ZNF536: variants seen among roughly 807,000 people sequenced by gnomAD.
ZNF536 encodes zinc finger protein 536.
Under a neutral mutation model 84.5 loss-of-function variants are expected in ZNF536, and 13 were observed. The observed-to-expected ratio is 0.15, with a 90% CI of 0.10 to 0.24. The LOEUF (loss-of-function observed/expected upper bound fraction) is 0.24. Ranked by LOEUF, ZNF536 falls within the 10% of genes least tolerant of loss-of-function variation. The pLI is 1.00. For synonymous variants in ZNF536, 811 were observed against 742.5 expected (o/e 1.09, Z -1.50); for missense variants, 1,536 against 1,747.5 (o/e 0.88, Z 2.16).
At chr19:30,599,681 C>T (rs1164092864) in intron 1 of ZNF536, among the ~76,000 whole-genome samples, 1 of 151,968 alleles carries the variant, frequency 6.6e-6, no homozygotes, top group East Asian at 1.9e-4. Context: ...CTTTTCTAAC[C>T]GTATAAAAAG....
chr19:30,448,024 C>T (rs117943503), intron 2 of ZNF536, among the ~76,000 whole-genome samples: 1,727 of 152,284 alleles, frequency 0.011, 12 homozygotes, highest in Non-Finnish European at 0.016. Context: ...TGAAAAAACC[C>T]ATTTTGCTTA....
At chr19:30,259,770 T>G (rs1170212689) in intron 1 of ZNF536, among the ~76,000 whole-genome samples, 1 of 152,110 alleles carries the variant, frequency 6.6e-6, no homozygotes, top group Non-Finnish European at 1.5e-5. Context: ...TTTTTTTTTC[T>G]GAGACAGAGT....
chr19:30,413,992 C>G (rs955600196), intron 1 of ZNF536, among the ~76,000 whole-genome samples: 1 of 148,188 alleles, frequency 6.7e-6, no homozygotes, highest in Non-Finnish European at 1.5e-5. Flanking sequence ...ACTCAGGAGG[C>G]TGAGGCAGGA....
intron 1 of ZNF536, among the ~76,000 whole-genome samples, chr19:30,263,983 G>A (rs935768268): frequency 1.3e-5 from 2 of 152,170 alleles, no homozygotes; most frequent in Non-Finnish European, 2.9e-5. Context: ...GGAACTTTCA[G>A]TTTTCACTTC....
intron 2 of ZNF536, among the ~76,000 whole-genome samples, chr19:30,477,654 GCTGTGT>G (rs997060835): frequency 1.3e-5 from 2 of 152,290 alleles, no homozygotes; most frequent in Admixed American, 1.3e-4. Flanking sequence ...ACTGACAGGG[GCTGTGT>G]CTGTCCCCTC....
intron 2 of ZNF536, among the ~76,000 whole-genome samples, chr19:30,314,626 G>T (rs1453350517): frequency 6.6e-6 from 1 of 152,118 alleles, no homozygotes; most frequent in African/African-American, 2.4e-5. Flanking sequence ...TTTGCACTTT[G>T]ACCTAAGTAG....
chr19:30,549,661 A>G, intron 4 of ZNF536, 147 bp downstream of exon 4: 1 of 907,646 alleles, frequency 1.1e-6, no homozygotes, highest in Non-Finnish European at 1.5e-6. Flanking sequence ...TGCAATGTAG[A>G]CAATCATAAA....
chr19:30,351,391 G>A (rs140936059), intron 2 of ZNF536, among the ~76,000 whole-genome samples: 1 of 152,330 alleles, frequency 6.6e-6, no homozygotes, highest in African/African-American at 2.4e-5. Flanking sequence ...AATTAATAGA[G>A]TTAAGGGTTC....
At chr19:30,446,792 C>T (rs1456679631) in intron 2 of ZNF536, among the ~76,000 whole-genome samples, 1 of 145,674 alleles carries the variant, frequency 6.9e-6, no homozygotes, top group East Asian at 1.9e-4. Context: ...GCTTCCTGGC[C>T]CAGTTTAAAA....
intron 2 of ZNF536, among the ~76,000 whole-genome samples, chr19:30,449,750 G>A (rs1344141887): frequency 1.3e-5 from 2 of 152,164 alleles, no homozygotes; most frequent in African/African-American, 4.8e-5. Flanking sequence ...TTTTGAGATG[G>A]ACAAGGATTA....
At chr19:30,457,065 A>G (rs1328376815) in intron 2 of ZNF536, among the ~76,000 whole-genome samples, 1 of 152,050 alleles carries the variant, frequency 6.6e-6, no homozygotes, top group Non-Finnish European at 1.5e-5. Flanking sequence ...AACAAAAAAA[A>G]AGATGAATAG....
chr19:30,437,772 T>C (rs1433066518), intron 1 of ZNF536, among the ~76,000 whole-genome samples: 1 of 152,222 alleles, frequency 6.6e-6, no homozygotes, highest in African/African-American at 2.4e-5. Context: ...ACAGTGGCCT[T>C]TAACTGTCCA....
At chr19:30,500,564 TCACA>T (rs1481926719) in intron 2 of ZNF536, among the ~76,000 whole-genome samples, 1 of 151,518 alleles carries the variant, frequency 6.6e-6, no homozygotes, top group Non-Finnish European at 1.5e-5. Context: ...AATGTGGGTC[TCACA>T]CAACCCCAGG....
At chr19:30,408,497 A>G (rs1051321577) in intron 1 of ZNF536, among the ~76,000 whole-genome samples, 2 of 152,262 alleles carry the variant, frequency 1.3e-5, no homozygotes, top group Admixed American at 1.3e-4. Context: ...TTAGAAAGTC[A>G]TCACTGTTTT....
intron 1 of ZNF536, among the ~76,000 whole-genome samples, chr19:30,419,199 C>T (rs1483958353): frequency 6.6e-6 from 1 of 152,138 alleles, no homozygotes; most frequent in South Asian, 2.1e-4. Flanking sequence ...TCCACTGAAA[C>T]GTCTTTTGAA....
intron 2 of ZNF536, among the ~76,000 whole-genome samples, chr19:30,485,081 T>G (rs900306122): frequency 6.6e-6 from 1 of 151,918 alleles, no homozygotes; most frequent in African/African-American, 2.4e-5. Context: ...AAGGCAGAGC[T>G]TTCAGTGAGC....
chr19:30,600,103 T>A (rs1166612944), intron 1 of ZNF536, among the ~76,000 whole-genome samples: 1 of 74,524 alleles, frequency 1.3e-5, no homozygotes, highest in Non-Finnish European at 2.6e-5. Context: ...ACTTTTTTAT[T>A]CTTGGAGACA....
chr19:30,657,263 C>A (rs757726244), intron 1 of ZNF536, among the ~76,000 whole-genome samples: 8 of 152,116 alleles, frequency 5.3e-5, no homozygotes, highest in Middle Eastern at 3.2e-3. Context: ...CTGTAAGTCA[C>A]CAAAACTGCC....
chr19:30,506,068 A>G (rs2145423676), intron 2 of ZNF536, among the ~76,000 whole-genome samples: 1 of 151,422 alleles, frequency 6.6e-6, no homozygotes, highest in Non-Finnish European at 1.5e-5. Context: ...TTATTTATAT[A>G]ATGAAATACA....
Sources: gnomAD v4.1 joint callset for allele counts (sites outside exome capture counted in the v4.1 genomes callset) on GRCh38, gnomAD v4.1.1 for gene constraint, MANE v1.5 for transcripts, NCBI Gene and HGNC (gene_info 2026-07-23, HGNC 2026-07-21) for gene names.